SCFD2: variants seen among roughly 807,000 people sequenced by gnomAD.
SCFD2 encodes the protein sec1 family domain-containing protein 2.
Under a neutral mutation model 58.9 loss-of-function variants are expected in SCFD2, and 54 were observed. The observed-to-expected ratio is 0.92, with a 90% confidence interval of 0.74 to 1.15. SCFD2 has a LOEUF of 1.15. Ranked by LOEUF, SCFD2 falls within the 50% of genes most tolerant of loss-of-function variation. SCFD2 has a pLI of 0.00. For missense variants in SCFD2, 805 were observed against 836.6 expected, an observed-to-expected ratio of 0.96 and a Z score of 0.47; for synonymous variants, 321 against 335.9, an observed-to-expected ratio of 0.96 and a Z score of 0.49.
At chr4:53,058,217 A>G (rs1481559332) in intron 5 of SCFD2, among the ~76,000 whole-genome samples, 1 of 152,126 alleles carries the variant, frequency 6.6e-6, no homozygotes, top group African/African-American at 2.4e-5. Context: ...ATTATTATTA[A>G]TGTTTTGCTA....
intron 4 of SCFD2, among the ~76,000 whole-genome samples, chr4:53,158,055 C>T (rs1048107450): frequency 1.2e-4 from 19 of 152,144 alleles, no homozygotes; most frequent in East Asian, 1.9e-4. Context: ...GTAGCTCCTT[C>T]GAGTCCCCTG....
chr4:53,361,262 T>G (rs921314428), intron 1 of SCFD2, among the ~76,000 whole-genome samples: 2 of 152,250 alleles, frequency 1.3e-5, no homozygotes, highest in African/African-American at 4.8e-5. Context: ...TACCATCACA[T>G]CTGGCTAACT....
At chr4:52,909,178 T>C (rs1719425622) in intron 6 of SCFD2, among the ~76,000 whole-genome samples, 1 of 152,208 alleles carries the variant, frequency 6.6e-6, no homozygotes, top group Non-Finnish European at 1.5e-5. Context: ...ACAGATGCAT[T>C]CAACATAGCA....
chr4:52,874,426 T>C (rs1718424138), intron 8 of SCFD2, among the ~76,000 whole-genome samples: 1 of 152,228 alleles, frequency 6.6e-6, no homozygotes, highest in Non-Finnish European at 1.5e-5. Flanking sequence ...ATGCAGTAAT[T>C]TGACGTCAAT....
At chr4:53,266,744 G>C (rs1410328451) in intron 4 of SCFD2, among the ~76,000 whole-genome samples, 2 of 152,150 alleles carry the variant, frequency 1.3e-5, no homozygotes, top group Non-Finnish European at 2.9e-5. Flanking sequence ...TTTATAACTA[G>C]CACAGATGTA....
chr4:52,907,123 C>T (rs575831155), intron 7 of SCFD2, among the ~76,000 whole-genome samples: 176 of 152,226 alleles, frequency 1.2e-3, no homozygotes, highest in Middle Eastern at 6.8e-3. Flanking sequence ...TCACTAAGAC[C>T]GGTGTGTGCT....
At chr4:53,288,449 C>T (rs1338122223) in intron 3 of SCFD2, among the ~76,000 whole-genome samples, 1 of 151,940 alleles carries the variant, frequency 6.6e-6, no homozygotes, top group Non-Finnish European at 1.5e-5. Flanking sequence ...AAACAAGGCA[C>T]ACTACAAAAA....
At chr4:52,960,934 G>A (rs561101726) in intron 5 of SCFD2, among the ~76,000 whole-genome samples, 7 of 152,256 alleles carry the variant, frequency 4.6e-5, no homozygotes, top group East Asian at 3.9e-4. Context: ...AGTGAGTATC[G>A]TAGGAGTTCA....
intron 4 of SCFD2, among the ~76,000 whole-genome samples, chr4:53,258,721 C>A (rs990278020): frequency 2.0e-5 from 3 of 151,704 alleles, no homozygotes; most frequent in Non-Finnish European, 4.4e-5. Flanking sequence ...ATAATGACTT[C>A]TTTTCCTCTG....
Position 53,365,074 on chromosome 4 carries a change from T to C in SCFD2, c.838+30A>G. 6.3e-7 allele frequency: 1 copy of C among 1,594,138 alleles called. No individual in the cohort carries two copies. The highest frequency in any genetic ancestry group is 8.5e-7 in the Non-Finnish European group (1 of 1,171,302). ...AAAGTCCCAGCAATGTGGGGAATGG[T>C]AATGAAGAACTCCAGAGCAATGCAC... On this transcript the variant is annotated intron_variant, in intron 1 of 8. Transcript: ENST00000401642. The surrounding 1 kb of genome is among the most constrained non-coding windows in gnomAD (Gnocchi z 4.3).
At chr4:53,358,488 G>A (rs1734460829) in intron 1 of SCFD2, among the ~76,000 whole-genome samples, 1 of 151,780 alleles carries the variant, frequency 6.6e-6, no homozygotes, top group East Asian at 1.9e-4. Context: ...GGAAGGTGAA[G>A]GTTGCAGTGA....
intron 4 of SCFD2, among the ~76,000 whole-genome samples, chr4:53,177,598 C>T (rs1002034969): frequency 5.3e-5 from 8 of 152,150 alleles, no homozygotes; most frequent in African/African-American, 1.4e-4. Flanking sequence ...ATGCAGAAAA[C>T]GGGTGATTTC....
chr4:53,162,799 C>T (rs1023948681), intron 4 of SCFD2, among the ~76,000 whole-genome samples: 15 of 150,358 alleles, frequency 1.0e-4, no homozygotes, highest in African/African-American at 2.4e-4. Flanking sequence ...TGTATACATA[C>T]GTAACTAACC....
chr4:53,246,448 A>C lies in SCFD2; in HGVS notation c.1311+27378T>G, dbSNP rs1465170414. Among the ~76,000 whole-genome samples, 8 of 152,224 alleles carry C rather than the reference A, an allele frequency of 5.3e-5. No homozygotes were observed. In the South Asian group the frequency reaches 1.7e-3, roughly 32 times the overall value. ...ATCACACTACCCAACTTTAAACTAT[A>C]CTATAAGGCTACAGTAACCAAAACA... On this transcript the variant is annotated intron_variant, in intron 4 of 8. Coordinates refer to ENST00000401642, the MANE Select transcript of SCFD2 (RefSeq NM_152540.4).
intron 4 of SCFD2, among the ~76,000 whole-genome samples, chr4:53,246,881 A>G (rs74358921): frequency 0.031 from 4,684 of 151,326 alleles, 141 homozygotes; most frequent in African/African-American, 0.083. Context: ...TCTGCACAGT[A>G]AAAGAAGCTA....
rs188865699 is a variant in SCFD2 at position 53,003,086 on chromosome 4, T to C, written c.1562-82216A>G. On this transcript the variant is annotated intron_variant, in intron 5 of 8. Transcript: ENST00000401642. ...GCCCCCATGATCCAGTCCCCTCCCA[T>C]TGGGCCCCACCACCAACACGGGATT... 9.8e-4 allele frequency among the ~76,000 whole-genome samples: 150 copies of C among 152,294 alleles called. 1 individual carries two copies. Among genetic ancestry groups the C allele is most frequent in the African/African-American group, 3.0e-3 (125 of 41,576 alleles).
intron 5 of SCFD2, among the ~76,000 whole-genome samples, chr4:52,977,826 C>T (rs1169060868): frequency 6.6e-6 from 1 of 152,146 alleles, no homozygotes; most frequent in Non-Finnish European, 1.5e-5. Flanking sequence ...TGAATTCCTA[C>T]AGCCTAAGAA....
chr4:53,238,184 C>T (rs1381456644), intron 4 of SCFD2, among the ~76,000 whole-genome samples: 13 of 138,384 alleles, frequency 9.4e-5, no homozygotes, highest in South Asian at 2.4e-4. Context: ...GGGGGGCTGA[C>T]CCCCCCACCT....
intron 4 of SCFD2, among the ~76,000 whole-genome samples, chr4:53,188,689 T>A (rs1200235819): frequency 6.6e-6 from 1 of 152,150 alleles, no homozygotes; most frequent in Non-Finnish European, 1.5e-5. Context: ...TTGAAAGCAA[T>A]CTATTAACTC....
Sources: gnomAD v4.1 joint callset for allele counts (sites outside exome capture counted in the v4.1 genomes callset) on GRCh38, gnomAD v4.1.1 for gene constraint, Gnocchi (gnomAD v3.1) non-coding constraint, MANE v1.5 for transcripts, NCBI Gene and HGNC (gene_info 2026-07-23, HGNC 2026-07-21) for gene names.